The following DLGAP2 variants were observed in gnomAD, a reference collection of about 807,000 sequenced individuals.
The protein encoded by DLGAP2 is disks large-associated protein 2.
In DLGAP2, 26 loss-of-function variants were observed where a neutral mutation model predicts 100.3. That is an observed-to-expected ratio of 0.26 (90% CI 0.19 to 0.36). The LOEUF (loss-of-function observed/expected upper bound fraction) is 0.36. Among genes scored for constraint, DLGAP2 ranks in the 10% least tolerant of loss-of-function variants. DLGAP2 has a pLI of 1.00. For missense variants in DLGAP2, 1,858 were observed against 1,453.2 expected (o/e 1.28, Z -4.53); for synonymous variants, 886 against 630.1 (o/e 1.41, Z -6.08).
At chr8:1,368,499 A>T (rs1345951004) in intron 3 of DLGAP2, 1 of 152,156 alleles carries the variant, frequency 6.6e-6, no homozygotes, top group African/African-American at 2.4e-5. Flanking sequence ...TAGAAATACA[A>T]TGAGGTCTAT....
At chr8:985,063 G>A (rs559645992) in intron 2 of DLGAP2, among the ~76,000 whole-genome samples, 15 of 152,208 alleles carry the variant, frequency 9.9e-5, no homozygotes, top group Non-Finnish European at 1.6e-4. Flanking sequence ...TTTATAAAGA[G>A]CCTCAGAGTT....
intron 3 of DLGAP2, among the ~76,000 whole-genome samples, chr8:1,498,063 C>T (rs994287106): frequency 2.0e-5 from 3 of 152,172 alleles, no homozygotes; most frequent in African/African-American, 7.2e-5. Flanking sequence ...AAAGGCAGGA[C>T]AACTGGAAGT....
At chr8:1,062,683 A>G (rs1803122487) in intron 2 of DLGAP2, among the ~76,000 whole-genome samples, 1 of 151,988 alleles carries the variant, frequency 6.6e-6, no homozygotes, top group South Asian at 2.1e-4. Context: ...TGCCTTTCTT[A>G]TAAGTAAAGC....
chr8:1,198,700 C>T (rs368255894), intron 2 of DLGAP2, among the ~76,000 whole-genome samples: 8 of 152,276 alleles, frequency 5.3e-5, no homozygotes, highest in African/African-American at 1.7e-4. Context: ...GCAGGCCCCT[C>T]ATGTCCTGAA....
At chr8:768,216 T>A (rs1265180967) in intron 1 of DLGAP2, among the ~76,000 whole-genome samples, 1 of 152,158 alleles carries the variant, frequency 6.6e-6, no homozygotes, top group African/African-American at 2.4e-5. Context: ...CACTGCCACA[T>A]GCTGGTCAGA....
At chr8:1,364,056 C>T (rs1802048938) in intron 3 of DLGAP2, among the ~76,000 whole-genome samples, 1 of 152,186 alleles carries the variant, frequency 6.6e-6, no homozygotes, top group Non-Finnish European at 1.5e-5. Context: ...GGGGGTCTTC[C>T]TCACTCCTGC....
chr8:1,593,516 C>G (rs903376818), intron 6 of DLGAP2, among the ~76,000 whole-genome samples: 3 of 151,962 alleles, frequency 2.0e-5, no homozygotes, highest in African/African-American at 7.2e-5. Context: ...AATTGAAAAT[C>G]TCCTGCACCT....
intron 2 of DLGAP2, among the ~76,000 whole-genome samples, chr8:969,974 T>C (rs1043954603): frequency 1.3e-5 from 2 of 152,210 alleles, no homozygotes; most frequent in African/African-American, 4.8e-5. Flanking sequence ...CAGCAAAAAA[T>C]TGTTCACACC....
At chr8:882,142 C>A (rs576530622) in intron 1 of DLGAP2, among the ~76,000 whole-genome samples, 8 of 152,358 alleles carry the variant, frequency 5.3e-5, no homozygotes, top group Middle Eastern at 3.4e-3. Context: ...AGAGAGGCGT[C>A]AGTGATGCTC....
chr8:813,110 A>G (rs1013193502), intron 1 of DLGAP2, among the ~76,000 whole-genome samples: 11 of 152,188 alleles, frequency 7.2e-5, no homozygotes, highest in Non-Finnish European at 1.3e-4. Flanking sequence ...ATTATATGTT[A>G]TTTTCAATCA....
intron 8 of DLGAP2, among the ~76,000 whole-genome samples, chr8:1,654,673 A>T (rs1018945106): frequency 6.6e-6 from 1 of 152,044 alleles, no homozygotes; most frequent in South Asian, 2.1e-4. Flanking sequence ...AAAAAAAAAA[A>T]AAAAAAGAAT....
chr8:996,739 G>C (rs1280903626), intron 2 of DLGAP2, among the ~76,000 whole-genome samples: 4 of 152,178 alleles, frequency 2.6e-5, no homozygotes, highest in Non-Finnish European at 4.4e-5. Flanking sequence ...CAGTTCTCCA[G>C]CCTGTGTTGA....
At chr8:1,253,405 T>C (rs544905890) in intron 2 of DLGAP2, among the ~76,000 whole-genome samples, 1 of 152,326 alleles carries the variant, frequency 6.6e-6, no homozygotes, top group East Asian at 1.9e-4. Context: ...GGAGGCCGAC[T>C]CCATGCAGAA....
At chr8:1,172,085 A>G (rs942216915) in intron 2 of DLGAP2, among the ~76,000 whole-genome samples, 9 of 151,928 alleles carry the variant, frequency 5.9e-5, no homozygotes, top group African/African-American at 1.7e-4. Context: ...CCTGGTGGTG[A>G]CAAAATCTCT....
chr8:1,610,000 A>T (rs1340271876), intron 6 of DLGAP2, among the ~76,000 whole-genome samples: 1 of 151,786 alleles, frequency 6.6e-6, no homozygotes, highest in African/African-American at 2.4e-5. Context: ...GTTAACAAGG[A>T]TACCCAGGAA....
chr8:1,009,185 C>T (rs953569888), intron 2 of DLGAP2, among the ~76,000 whole-genome samples: 10 of 152,170 alleles, frequency 6.6e-5, no homozygotes, highest in Non-Finnish European at 1.5e-4. Context: ...CTCCTAAGGC[C>T]CTGGACACCC....
chr8:1,522,485 G>T (rs546617838), intron 4 of DLGAP2, among the ~76,000 whole-genome samples: 1 of 152,204 alleles, frequency 6.6e-6, no homozygotes, highest in East Asian at 1.9e-4. Flanking sequence ...AGAGCCTCAC[G>T]CACGGGTGCT....
intron 1 of DLGAP2, among the ~76,000 whole-genome samples, chr8:823,727 C>T (rs1231874429): frequency 6.6e-6 from 1 of 152,132 alleles, no homozygotes; most frequent in African/African-American, 2.4e-5. Flanking sequence ...TGTTTGTCGT[C>T]GTTTTGTCTT....
At chr8:1,033,713 C>T (rs558373406) in intron 2 of DLGAP2, among the ~76,000 whole-genome samples, 2 of 150,838 alleles carry the variant, frequency 1.3e-5, no homozygotes, top group Admixed American at 6.6e-5. Flanking sequence ...ACGCTCATCC[C>T]GACCCCGCGT....
Sources: allele counts gnomAD v4.1 joint callset (sites outside exome capture counted in the v4.1 genomes callset), GRCh38; gene constraint gnomAD v4.1.1; transcripts MANE v1.5; gene names NCBI Gene and HGNC (gene_info 2026-07-23, HGNC 2026-07-21).